Variants in NCALD observed in about 807,000 individuals in gnomAD.
NCALD encodes the protein neurocalcin delta, also known as neurocalcin-delta.
NCALD carries 10 observed loss-of-function variants against 18.6 expected under a neutral mutation model. That is an observed-to-expected ratio of 0.54 (90% CI 0.33 to 0.91). NCALD has a LOEUF of 0.91. NCALD is among the 40% of genes least tolerant of loss of function. NCALD has a pLI of 0.03. For synonymous variants in NCALD, 88 were observed against 87.4 expected (o/e 1.01, Z -0.04); for missense variants, 184 against 247.6 (o/e 0.74, Z 1.72).
chr8:101,878,818 G>A (rs972332525), intron 4 of NCALD, among the ~76,000 whole-genome samples: 3 of 152,176 alleles, frequency 2.0e-5, no homozygotes. Flanking sequence ...CTACTTTGGA[G>A]GCAGAAACTG....
intron 1 of NCALD, among the ~76,000 whole-genome samples, chr8:101,765,849 T>G (rs1366349629): frequency 6.6e-6 from 1 of 152,222 alleles, no homozygotes; most frequent in African/African-American, 2.4e-5. Context: ...ATAATTTGCT[T>G]AGCATACAGA....
intron 1 of NCALD, among the ~76,000 whole-genome samples, chr8:101,769,948 C>A (rs79327374): frequency 0.028 from 4,240 of 152,208 alleles, 199 homozygotes; most frequent in African/African-American, 0.097. Context: ...ATGGGAGAAC[C>A]AACAGCTCAG....
intron 2 of NCALD, among the ~76,000 whole-genome samples, chr8:101,700,134 C>T (rs1586236697): frequency 1.3e-5 from 2 of 151,860 alleles, no homozygotes; most frequent in South Asian, 4.2e-4. Flanking sequence ...TATCATGGCT[C>T]ACTGCAGCCT....
At chr8:101,901,108 TGTCCTTGGTAATTTTCTTTTCTCTA>T (rs1408245135) in intron 3 of NCALD, among the ~76,000 whole-genome samples, 3 of 152,072 alleles carry the variant, frequency 2.0e-5, no homozygotes, top group Non-Finnish European at 4.4e-5. Flanking sequence ...TATCTCTCTC[TGTCCTTGGTAATTTTCTTTTCTCTA>T]AAGTCTCCTT....
chr8:101,872,245 T>C, intron 4 of NCALD: 3 of 1,427,780 alleles, frequency 2.1e-6, no homozygotes, highest in East Asian at 2.3e-5. Flanking sequence ...TTCTTGAACA[T>C]AATACTTCCC....
chr8:102,074,212 A>G (rs1418546837), intron 1 of NCALD, among the ~76,000 whole-genome samples: 3 of 152,204 alleles, frequency 2.0e-5, no homozygotes, highest in African/African-American at 7.2e-5. Flanking sequence ...ATGGGAAAAA[A>G]TCACCCAATC....
At chr8:101,915,043 C>G (rs2131621531) in intron 3 of NCALD, among the ~76,000 whole-genome samples, 1 of 152,258 alleles carries the variant, frequency 6.6e-6, no homozygotes, top group East Asian at 1.9e-4. Context: ...ATGTGCCAGT[C>G]ACTCTTTTAA....
chr8:101,973,050 G>A (rs909881786), intron 2 of NCALD, among the ~76,000 whole-genome samples: 1 of 152,156 alleles, frequency 6.6e-6, no homozygotes, highest in Non-Finnish European at 1.5e-5. Context: ...AGTGGTATGA[G>A]GAAGAGAAGG....
intron 1 of NCALD, among the ~76,000 whole-genome samples, chr8:102,030,174 A>G (rs894430715): frequency 6.6e-6 from 1 of 152,232 alleles, no homozygotes; most frequent in Admixed American, 6.5e-5. Context: ...AACAGAAACC[A>G]TGTATTCCCT....
At chr8:102,045,874 G>A (rs902633257) in intron 1 of NCALD, among the ~76,000 whole-genome samples, 7 of 152,122 alleles carry the variant, frequency 4.6e-5, no homozygotes, top group Admixed American at 6.5e-5. Flanking sequence ...ATGTTGCATC[G>A]CTTCTGCCAA....
chr8:101,898,106 G>A (rs888445530), intron 3 of NCALD, among the ~76,000 whole-genome samples: 1 of 152,166 alleles, frequency 6.6e-6, no homozygotes, highest in Admixed American at 6.5e-5. Flanking sequence ...GGCCTCCCCA[G>A]TCATGTTGAA....
At chr8:101,787,836 A>C (rs1344450031) in intron 1 of NCALD, among the ~76,000 whole-genome samples, 1 of 152,186 alleles carries the variant, frequency 6.6e-6, no homozygotes, top group African/African-American at 2.4e-5. Flanking sequence ...TGATCAATTC[A>C]CACGTGTATG....
chr8:101,738,552 C>CAAAAAAAAAAA (rs34205453), intron 1 of NCALD, among the ~76,000 whole-genome samples: 69 of 127,878 alleles, frequency 5.4e-4, no homozygotes, highest in Non-Finnish European at 8.0e-4. Context: ...CTCAAAAAAA[C>CAAAAAAAAAAA]AAAAAAAAAA....
At chr8:102,000,888 T>C (rs1821430851) in intron 2 of NCALD, among the ~76,000 whole-genome samples, 1 of 152,024 alleles carries the variant, frequency 6.6e-6, no homozygotes, top group South Asian at 2.1e-4. Flanking sequence ...GTCACCATCA[T>C]CAAAGACCAA....
chr8:101,888,395 TTTTATTTA>T (rs1180750395), intron 3 of NCALD, among the ~76,000 whole-genome samples: 1 of 151,494 alleles, frequency 6.6e-6, no homozygotes, highest in Admixed American at 6.6e-5. Flanking sequence ...GGACTTTCTT[TTTTATTTA>T]TTTATTTATT....
intron 1 of NCALD, among the ~76,000 whole-genome samples, chr8:101,766,975 C>G (rs192965090): frequency 2.3e-4 from 35 of 152,296 alleles, no homozygotes; most frequent in African/African-American, 8.2e-4. Context: ...ATGTATAGTT[C>G]TGTAACTCAT....
intron 1 of NCALD, chr8:101,746,092 G>C (rs1032690857): frequency 7.2e-5 from 11 of 152,180 alleles, no homozygotes; most frequent in Non-Finnish European, 1.6e-4. Flanking sequence ...CTATGCACTA[G>C]TTATCATTAT....
intron 3 of NCALD, among the ~76,000 whole-genome samples, chr8:101,902,981 G>A (rs888207300): frequency 3.3e-5 from 5 of 152,098 alleles, no homozygotes; most frequent in African/African-American, 1.2e-4. Flanking sequence ...AGGCAGGGGT[G>A]GAGAAGATCG....
rs139210944 is a variant in NCALD, at chr8:101,755,377, T to C, written c.-20+35485A>G. On this transcript the variant is annotated intron_variant, in intron 1 of 3. Coordinates refer to ENST00000220931, the MANE Select transcript of NCALD (RefSeq NM_032041.3). ...TCACCTTAATCATGGTAAACAAGAG[T>C]TCAATTTGGCCTGTTTCAGATATGC... Among the ~76,000 whole-genome samples the C allele has an allele frequency of 2.4e-4, 36 of 151,978 alleles. No homozygotes were observed. The East Asian group carries it at 6.6e-3, about 28-fold the overall frequency.
Sources: allele counts gnomAD v4.1 joint callset (sites outside exome capture counted in the v4.1 genomes callset), GRCh38; gene constraint gnomAD v4.1.1; transcripts MANE v1.5; gene names NCBI Gene and HGNC (gene_info 2026-07-23, HGNC 2026-07-21).